The following ARHGEF11 variants were observed in gnomAD, a reference collection of about 807,000 sequenced individuals.
ARHGEF11 encodes Rho guanine nucleotide exchange factor 11, also known as Rho guanine exchange factor (GEF) 11.
A neutral mutation model predicts 193.7 loss-of-function variants in ARHGEF11; 55 were observed. The observed-to-expected ratio is 0.28, with a 90% confidence interval of 0.23 to 0.36. The LOEUF (loss-of-function observed/expected upper bound fraction) is 0.36. Among genes scored for constraint, ARHGEF11 ranks in the 10% least tolerant of loss-of-function variants. The probability of loss-of-function intolerance (pLI) is 1.00; values close to 1 mark genes in which losing one functional copy is unlikely to be tolerated. For synonymous variants in ARHGEF11, 693 were observed against 768.0 expected, an observed-to-expected ratio of 0.90 and a Z score of 1.62; for missense variants, 1,723 against 2,005.6, an observed-to-expected ratio of 0.86 and a Z score of 2.69.
chr1:156,940,453 G>C (rs1350565144), intron 35 of ARHGEF11, 28 bp from the exon 36 acceptor site: 8 of 1,577,948 alleles, frequency 5.1e-6, no homozygotes, highest in Middle Eastern at 3.4e-4. Context: ...AGATTGTAAG[G>C]CAGGGAAAGG....
At chr1:156,986,918 G>A (rs1203279595) in intron 1 of ARHGEF11, among the ~76,000 whole-genome samples, 2 of 152,172 alleles carry the variant, frequency 1.3e-5, no homozygotes, top group African/African-American at 2.4e-5. Context: ...TCTGTTTGGC[G>A]GTAGTATTCC....
rs182929671 is a variant in ARHGEF11, at chr1:157,026,700, C to A, written c.32+17599G>T. ...GATTTCAAGTACCAACTCCCGTGAG[C>A]CTCAGCTTTCTCACTATTAAGGAGA... On this transcript the variant is annotated intron_variant, in intron 1 of 40. Transcript: ENST00000368194. Among the ~76,000 whole-genome samples the A allele has an allele frequency of 8.2e-4, 125 of 152,306 alleles. 2 individuals are homozygous for A. Among genetic ancestry groups the A allele is most frequent in the South Asian group, 3.7e-3 (18 of 4,820 alleles).
chr1:156,970,881 G>A (rs1428022827), intron 8 of ARHGEF11, among the ~76,000 whole-genome samples: 4 of 152,176 alleles, frequency 2.6e-5, no homozygotes, highest in Non-Finnish European at 1.5e-5. Flanking sequence ...GAATCCAGAT[G>A]GTCTAAGTCC....
At chr1:157,035,525 C>G (rs959729156) in intron 1 of ARHGEF11, among the ~76,000 whole-genome samples, 1 of 151,892 alleles carries the variant, frequency 6.6e-6, no homozygotes, top group African/African-American at 2.4e-5. Context: ...CCTGCCTCAG[C>G]CTCCCGAGTA....
intron 21 of ARHGEF11, 137 bp downstream of exon 21, chr1:156,954,755 G>C: frequency 1.2e-6 from 1 of 801,048 alleles, no homozygotes; most frequent in East Asian, 2.5e-5. Context: ...ACGCATAAGA[G>C]AAATGGAGAG....
chr1:157,039,146 G>A (rs992429929), intron 1 of ARHGEF11, among the ~76,000 whole-genome samples: 2 of 152,170 alleles, frequency 1.3e-5, no homozygotes, highest in African/African-American at 4.8e-5. Context: ...TGATCAGGCA[G>A]CTTTGTTCTC....
At chr1:156,968,937 G>A (rs1662120938) in intron 10 of ARHGEF11, among the ~76,000 whole-genome samples, 1 of 152,226 alleles carries the variant, frequency 6.6e-6, no homozygotes, top group Non-Finnish European at 1.5e-5. Context: ...TCCTGGACAG[G>A]TGGAAATATG....
At chr1:157,021,075 T>C (rs1338700330) in intron 1 of ARHGEF11, among the ~76,000 whole-genome samples, 1 of 152,238 alleles carries the variant, frequency 6.6e-6, no homozygotes, top group East Asian at 1.9e-4. Flanking sequence ...GTTGAGATTC[T>C]GTCAGTAAAT....
At chr1:156,945,930 G>GAAGAC in intron 29 of ARHGEF11, 115 bp downstream of exon 29, 2 of 762,708 alleles carry the variant, frequency 2.6e-6, no homozygotes, top group Non-Finnish European at 4.3e-6. Context: ...GAAAAAGGAC[G>GAAGAC]AAGACACCAA....
chr1:157,032,681 T>C (rs1413605603), intron 1 of ARHGEF11, among the ~76,000 whole-genome samples: 1 of 152,160 alleles, frequency 6.6e-6, no homozygotes, highest in Non-Finnish European at 1.5e-5. Context: ...GACTAGACTA[T>C]GTCCATCACC....
At chr1:156,974,334 C>T (rs1288466966) in intron 7 of ARHGEF11, among the ~76,000 whole-genome samples, 1 of 152,142 alleles carries the variant, frequency 6.6e-6, no homozygotes. Flanking sequence ...TCCCAAAGTG[C>T]TGGGATTACA....
intron 7 of ARHGEF11, among the ~76,000 whole-genome samples, chr1:156,975,431 C>T (rs1259381281): frequency 6.6e-6 from 1 of 152,122 alleles, no homozygotes; most frequent in Non-Finnish European, 1.5e-5. Context: ...TTTAAGAGTC[C>T]TTTATATATT....
Position 156,961,704 on chromosome 1 carries a change from G to A in ARHGEF11, c.1212C>T (p.Ile404=). ...CATTTTTCTCCAGGAAAATATTCCA[G>A]ATGTCTTTCCCCAAGCTTCGGGAAT... The part of the protein sequence containing the change: ...PKDSRSLGKD[I]WNIFLEKNAP... The change falls in exon 14 of 41, where the codon ATC becomes ATT. Residue 404 remains isoleucine (I), a synonymous_variant. Coordinates refer to ENST00000368194, the MANE Select transcript of ARHGEF11 (RefSeq NM_198236.3). 6.2e-7 allele frequency: 1 copy of A among 1,614,164 alleles called. No individual in the cohort carries two copies. The highest frequency in any genetic ancestry group is 8.5e-7 in the Non-Finnish European group (1 of 1,180,034).
chr1:156,957,795 C>T lies in ARHGEF11; in HGVS notation c.1523G>A (p.Arg508Lys), dbSNP rs1301448936. Residue 508 changes from arginine (R) to lysine (K), a missense_variant, in exon 18 of 41, where the codon AGG (arginine) becomes AAG (lysine). By Grantham distance (26) the Arg-to-Lys change is conservative (BLOSUM62 2). Transcript: ENST00000368194. Reference sequence around the variant, plus strand: ...TCCACATCATAGACTTGCTTACCTCCTGTCTTCCTCATACTTGGACCTGGA... The same window carrying T: ...TCCACATCATAGACTTGCTTACCTCTTGTCTTCCTCATACTTGGACCTGGA... Reference protein sequence around the residue: ...GDILSKYEEDRSAPMDFALNT... With the variant: ...GDILSKYEEDKSAPMDFALNT... 6.2e-7 allele frequency: 1 copy of T among 1,614,166 alleles called. No homozygotes were observed. Among genetic ancestry groups the T allele is most frequent in the Admixed American group, 1.7e-5 (1 of 60,030 alleles).
intron 25 of ARHGEF11, 87 bp from the exon 26 acceptor site, chr1:156,947,537 C>T: frequency 6.9e-7 from 1 of 1,440,458 alleles, no homozygotes; most frequent in South Asian, 1.5e-5. Flanking sequence ...GGTTCCCACA[C>T]CACTCTATTT....
At chr1:156,963,629 T>C in intron 11 of ARHGEF11, 35 bp from the exon 12 acceptor site, 9 of 1,605,474 alleles carry the variant, frequency 5.6e-6, no homozygotes, top group African/African-American at 2.7e-5. Context: ...AGATGAGAGG[T>C]TATAGAGGAC....
At chr1:156,960,935 G>A (rs1388453234) in intron 14 of ARHGEF11, among the ~76,000 whole-genome samples, 1 of 152,188 alleles carries the variant, frequency 6.6e-6, no homozygotes, top group East Asian at 1.9e-4. Context: ...TACTGGAAAG[G>A]TTCCATAACA....
chr1:156,969,491 T>A (rs931027167), intron 9 of ARHGEF11, 133 bp from the exon 10 acceptor site: 15 of 787,658 alleles, frequency 1.9e-5, no homozygotes, highest in Non-Finnish European at 2.3e-5. Context: ...TCCCTTCAGC[T>A]CTCTCATCCC....
At chr1:157,002,510 C>G (rs1667333393) in intron 1 of ARHGEF11, among the ~76,000 whole-genome samples, 1 of 152,132 alleles carries the variant, frequency 6.6e-6, no homozygotes, top group African/African-American at 2.4e-5. Flanking sequence ...CCTAACTAGT[C>G]CAACTTACCC....
Sources: gnomAD v4.1 joint callset for allele counts (sites outside exome capture counted in the v4.1 genomes callset) on GRCh38, gnomAD v4.1.1 for gene constraint, MANE v1.5 for transcripts, NCBI Gene and HGNC (gene_info 2026-07-23, HGNC 2026-07-21) for gene names.